Variants in HRH1 observed in about 807,000 individuals in gnomAD.
The protein encoded by HRH1 is histamine H1 receptor.
HRH1 carries 6 observed loss-of-function variants against 10.3 expected under a neutral mutation model. That is an observed-to-expected ratio of 0.58 (90% CI 0.32 to 1.15). The LOEUF is 1.15. Among genes scored for constraint, HRH1 ranks in the 50% most tolerant of loss-of-function variants. The pLI, the probability that HRH1 is intolerant of heterozygous loss-of-function variation, is 0.05. For synonymous variants in HRH1, 242 were observed against 236.7 expected (o/e 1.02, Z -0.21); for missense variants, 514 against 615.3 (o/e 0.84, Z 1.74).
Position 11,165,491 on chromosome 3 carries a change from A to AAC in HRH1, c.-36+10948_-36+10949dup, listed in dbSNP as rs149792248. ...GGTTTTTTTCCTCTGTTACAGGGAA[A>AAC]ACACACACACACGCAAGAAGAGAAG... On this transcript the variant is annotated intron_variant, in intron 1 of 1. Coordinates refer to ENST00000431010, the MANE Select transcript of HRH1 (RefSeq NM_001098212.2). Among the ~76,000 whole-genome samples, 6 of 152,236 alleles carry AAC rather than the reference A, an allele frequency of 3.9e-5. No individual in the cohort carries two copies. In the South Asian group the frequency reaches 1.2e-3, roughly 32 times the overall value.
At chr3:11,206,080 C>A (rs141856609) in intron 1 of HRH1, among the ~76,000 whole-genome samples, 36 of 152,258 alleles carry the variant, frequency 2.4e-4, no homozygotes, top group African/African-American at 8.7e-4. Flanking sequence ...TGGGCTCTTG[C>A]ATGGATTGCC....
intron 1 of HRH1, among the ~76,000 whole-genome samples, chr3:11,252,925 G>T (rs1040648493): frequency 6.6e-6 from 1 of 152,022 alleles, no homozygotes; most frequent in Non-Finnish European, 1.5e-5. Context: ...CTTCGTCTGC[G>T]GTGGTGAGCA....
intron 1 of HRH1, among the ~76,000 whole-genome samples, chr3:11,143,810 G>A (rs542021756): frequency 6.6e-6 from 1 of 152,142 alleles, no homozygotes; most frequent in African/African-American, 2.4e-5. Context: ...TGCTCGTGCT[G>A]TTCTCTCCTC....
rs1475135222 is a variant in HRH1, at chr3:11,259,212, C to T, written c.175C>T (p.His59Tyr). The T allele has an allele frequency of 4.3e-6, 7 of 1,613,552 alleles. No homozygotes were observed. The highest frequency in any genetic ancestry group is 1.3e-5 in the African/African-American group (1 of 74,828). Residue 59 changes from histidine (H) to tyrosine (Y), a missense_variant, in exon 2 of 2, where the codon CAC (histidine) becomes TAC (tyrosine). Transcript: ENST00000431010. This position sits in a 1 kb window ranked among gnomAD's most constrained non-coding sequence, Gnocchi z 4.6. ...LYAVRSERKL[H>Y]TVGNLYIVSL... ...TGCCGTACGGAGTGAGCGGAAGCTC[C>T]ACACTGTGGGGAACCTGTACATCGT...
chr3:11,246,644 C>T (rs1240076327), intron 1 of HRH1, among the ~76,000 whole-genome samples: 1 of 152,106 alleles, frequency 6.6e-6, no homozygotes, highest in Admixed American at 6.5e-5. Flanking sequence ...TAGATTTCAC[C>T]CCTAAATGTT....
rs576570172 is a variant in HRH1 at position 11,254,192 on chromosome 3, A to G, written c.-35-4811A>G. 9.9e-5 allele frequency among the ~76,000 whole-genome samples: 15 copies of G among 152,244 alleles called. No homozygotes were observed. The South Asian group carries it at 3.1e-3, about 32-fold the overall frequency. The stretch of plus-strand genomic sequence containing the variant: ...GAGTCCATGGGGCTCAATCTCTCTT[A>G]CTAGAGATTTCTTGCACCCTAGTGA... On this transcript the variant is annotated intron_variant, in intron 1 of 1. Coordinates refer to ENST00000431010, the MANE Select transcript of HRH1 (RefSeq NM_001098212.2).
chr3:11,156,953 G>T (rs1319596610), intron 1 of HRH1, among the ~76,000 whole-genome samples: 4 of 152,224 alleles, frequency 2.6e-5, no homozygotes, highest in Non-Finnish European at 5.9e-5. Flanking sequence ...TCTGAGACTT[G>T]AAGTCTCAGT....
chr3:11,230,196 G>A (rs537275271), intron 1 of HRH1, among the ~76,000 whole-genome samples: 114 of 152,312 alleles, frequency 7.5e-4, no homozygotes, highest in African/African-American at 2.6e-3. Flanking sequence ...AGGGGAAGAT[G>A]AGAGAGACCA....
chr3:11,245,279 G>A (rs1939448909), intron 1 of HRH1, among the ~76,000 whole-genome samples: 1 of 152,128 alleles, frequency 6.6e-6, no homozygotes, highest in African/African-American at 2.4e-5. Context: ...CTTGAACCCG[G>A]GAGGCAGAGG....
chr3:11,228,401 A>G (rs1215084862), intron 1 of HRH1, among the ~76,000 whole-genome samples: 2 of 152,000 alleles, frequency 1.3e-5, no homozygotes, highest in African/African-American at 2.4e-5. Context: ...TTTTTTTTTA[A>G]TCCTGAAACC....
In HRH1 at chr3:11,154,915, CG is replaced by C. The variant is rs1005498494; in HGVS notation, c.-36+362del. On this transcript the variant is annotated intron_variant, in intron 1 of 1. Transcript: ENST00000431010. The surrounding 1 kb of genome is among the most constrained non-coding windows in gnomAD (Gnocchi z 4.4). ...TTTGAGCCTCCCCAGGGTCTGAGTT[CG>C]CTGCTAACCGTAGTGCCAGCCCATT... Among the ~76,000 whole-genome samples, 1 of 152,202 alleles carries C rather than the reference CG, an allele frequency of 6.6e-6. No individual in the cohort carries two copies. The highest frequency in any genetic ancestry group is 1.5e-5 in the Non-Finnish European group (1 of 68,036).
Position 11,260,479 on chromosome 3 carries a change from G to T in HRH1, c.1442G>T (p.Arg481Ile). The change falls in exon 2 of 2, where the codon AGA becomes ATA. Residue 481 changes from arginine to isoleucine, a missense_variant. Transcript: ENST00000431010. ...CNENFKKTFK[R>I]ILHIRS The stretch of plus-strand genomic sequence containing the variant: ...GAGAACTTCAAGAAGACATTCAAGA[G>T]AATTCTGCATATTCGCTCCTAAGGG... The T allele has an allele frequency of 6.2e-7, 1 of 1,605,982 alleles. No homozygotes were observed. Among genetic ancestry groups the T allele is most frequent in the Non-Finnish European group, 8.5e-7 (1 of 1,175,200 alleles).
chr3:11,237,664 C>CTTTTTTTTTTTTTT (rs376450222), intron 1 of HRH1, among the ~76,000 whole-genome samples: 2 of 83,088 alleles, frequency 2.4e-5, no homozygotes, highest in African/African-American at 9.7e-5. Flanking sequence ...TTTTCTTTTC[C>CTTTTTTTTTTTTTT]TTTTTTTTTT....
intron 1 of HRH1, among the ~76,000 whole-genome samples, chr3:11,208,523 G>C (rs757775152): frequency 1.3e-5 from 2 of 152,114 alleles, no homozygotes; most frequent in Non-Finnish European, 2.9e-5. Flanking sequence ...TAAATCAAAA[G>C]TTTGAAAAAA....
chr3:11,259,455 A>G lies in HRH1; in HGVS notation c.418A>G (p.Thr140Ala). 1 of 1,613,808 alleles carries G rather than the reference A, an allele frequency of 6.2e-7. No individual in the cohort carries two copies. Among genetic ancestry groups the G allele is most frequent in the East Asian group, 2.2e-5 (1 of 44,836 alleles). ...GCCCCTCAGGTACCTTAAGTATCGT[A>G]CCAAGACCCGAGCCTCGGCCACCAT... is the stretch of plus-strand genomic sequence containing the variant. Reference protein sequence around the residue: ...QQPLRYLKYRTKTRASATILG... With the variant: ...QQPLRYLKYRAKTRASATILG... The change falls in exon 2 of 2, where the codon ACC becomes GCC. Residue 140 changes from threonine (T) to alanine (A), a missense_variant. Coordinates refer to ENST00000431010, the MANE Select transcript of HRH1 (RefSeq NM_001098212.2). The surrounding 1 kb of genome is among the most constrained non-coding windows in gnomAD (Gnocchi z 4.6).
intron 1 of HRH1, among the ~76,000 whole-genome samples, chr3:11,254,291 C>T (rs535493213): frequency 1.1e-4 from 16 of 152,170 alleles, no homozygotes; most frequent in Non-Finnish European, 2.1e-4. Flanking sequence ...TCTCCATATG[C>T]TTCTCTTGCG....
chr3:11,149,411 A>G (rs1396517850), intron 1 of HRH1, among the ~76,000 whole-genome samples: 1 of 152,212 alleles, frequency 6.6e-6, no homozygotes, highest in Admixed American at 6.5e-5. Context: ...TTTGCCTATG[A>G]AAAAACTAGC....
chr3:11,138,117 A>G (rs1317540528), intron 1 of HRH1, among the ~76,000 whole-genome samples: 1 of 150,450 alleles, frequency 6.6e-6, no homozygotes, highest in African/African-American at 2.5e-5. Context: ...CCAGGTTCAC[A>G]CCATTCTCCT....
chr3:11,251,466 C>A (rs1157946215), intron 1 of HRH1, among the ~76,000 whole-genome samples: 1 of 152,226 alleles, frequency 6.6e-6, no homozygotes, highest in Non-Finnish European at 1.5e-5. Flanking sequence ...GTGTAAACAA[C>A]TCACATGTTT....
Sources: gnomAD v4.1 joint callset for allele counts (sites outside exome capture counted in the v4.1 genomes callset) on GRCh38, gnomAD v4.1.1 for gene constraint, Gnocchi (gnomAD v3.1) non-coding constraint, MANE v1.5 for transcripts, NCBI Gene and HGNC (gene_info 2026-07-23, HGNC 2026-07-21) for gene names.